CCM2L: variants seen among roughly 807,000 people sequenced by gnomAD.
CCM2L encodes CCM2 like scaffold protein.
A neutral mutation model predicts 54.1 loss-of-function variants in CCM2L; 36 were observed. The ratio of observed to expected loss-of-function variants is 0.67; its 90% CI spans 0.51 to 0.88. CCM2L has a LOEUF of 0.88. CCM2L is among the 40% of genes least tolerant of loss of function. The pLI, the probability that CCM2L is intolerant of heterozygous loss-of-function variation, is 0.00. For missense variants in CCM2L, 700 were observed against 812.1 expected (o/e 0.86, Z 1.68); for synonymous variants, 351 against 359.3 (o/e 0.98, Z 0.26).
Position 32,019,301 on chromosome 20 carries a change from C to G in CCM2L, c.825C>G (p.Gly275=). The change falls in exon 5 of 10, where the codon GGC becomes GGG. Residue 275 remains glycine (G), a synonymous_variant. Coordinates refer to ENST00000452892, the MANE Select transcript of CCM2L (RefSeq NM_001365692.1). ...GGGAGCGGAGGCAGGCGGGCAGCGG[C>G]GGGGGAGGCAGCTGGGAGCGGCGCC... ...GSWERRQAGS[G]GGGSWERRHP... 7.7e-7 allele frequency: 1 copy of G among 1,292,638 alleles called. No homozygotes were observed. Among genetic ancestry groups the G allele is most frequent in the Non-Finnish European group, 9.8e-7 (1 of 1,020,796 alleles). The allele number at this position is 1,292,638 out of a possible 1,614,324, so 80.1% of individuals were successfully genotyped here.
chr20:32,021,950 T>G (rs1175157064), intron 5 of CCM2L, among the ~76,000 whole-genome samples: 1 of 152,330 alleles, frequency 6.6e-6, no homozygotes, highest in East Asian at 1.9e-4. Context: ...TATTTTTATT[T>G]TTTGTATCCA....
chr20:32,031,869 C>T lies in CCM2L; in HGVS notation c.*555C>T, dbSNP rs1223959421. On this transcript the variant is annotated 3_prime_UTR_variant, in exon 10 of 10. Coordinates refer to ENST00000452892, the MANE Select transcript of CCM2L (RefSeq NM_001365692.1). ...GGCTCTAAATGTCAGGGTCTCCCAT[C>T]CCCTGATGCCTGACTTGTACAGTCA... is the stretch of plus-strand genomic sequence containing the variant. 1 of 152,338 alleles carries T rather than the reference C, an allele frequency of 6.6e-6. No individual in the cohort carries two copies. Among genetic ancestry groups the T allele is most frequent in the Non-Finnish European group, 1.5e-5 (1 of 68,120 alleles). 9.4% of individuals were successfully genotyped at this position (152,338 alleles called of 1,614,324 possible). A position where few individuals can be genotyped will look rare whatever the true frequency, so the allele number is the denominator to read the frequency against.
rs1478898452 is a variant in CCM2L, at chr20:32,031,098, C to T, written c.1500C>T (p.Phe500=). ...IREGGILTDS[F]GRIKRSMSST... Reference sequence around the variant, plus strand: ...AGGGCGGCATCCTCACTGACAGCTTCGGCCGCATCAAGCGCAGCATGAGCT... The same window carrying T: ...AGGGCGGCATCCTCACTGACAGCTTTGGCCGCATCAAGCGCAGCATGAGCT... Residue 500 remains phenylalanine, a synonymous_variant, in exon 10 of 10, where the codon TTC becomes TTT. Transcript: ENST00000452892. The T allele has an allele frequency of 1.5e-6, 2 of 1,304,150 alleles. No individual in the cohort carries two copies. Among genetic ancestry groups the T allele is most frequent in the South Asian group, 1.2e-5 (1 of 81,038 alleles). 80.8% of individuals were successfully genotyped at this position (1,304,150 alleles called of 1,614,324 possible).
At chr20:32,029,899 A>AC in intron 9 of CCM2L, 61 bp downstream of exon 9, 1 of 1,468,234 alleles carries the variant, frequency 6.8e-7, no homozygotes, top group South Asian at 1.4e-5. Context: ...ATGCCATCCC[A>AC]GTCAGGCACC....
intron 4 of CCM2L, 144 bp downstream of exon 4, chr20:32,018,306 A>T: frequency 1.5e-6 from 1 of 670,710 alleles, no homozygotes; most frequent in South Asian, 2.2e-5. Context: ...GGCAGAGGAG[A>T]TGGAAAAGGT....
At position 32,019,385 on chromosome 20, in the gene CCM2L, G is replaced by A; in HGVS notation, c.909G>A (p.Leu303=). ...QDPSPDAYCN[L]VILAVANRDA... is the part of the protein sequence containing the mutation. ...CCAGCCCCGACGCCTACTGCAACCT[G>A]GTCATCCTGGCTGTAGCCAACAGGG... The change falls in exon 5 of 10, where the codon CTG becomes CTA. Residue 303 remains leucine (L), a synonymous_variant. Transcript: ENST00000452892. The A allele has an allele frequency of 6.5e-7, 1 of 1,530,446 alleles. No homozygotes were observed. Among genetic ancestry groups the A allele is most frequent in the Non-Finnish European group, 8.7e-7 (1 of 1,147,276 alleles). The allele number at this position is 1,530,446 out of a possible 1,614,324, so 94.8% of individuals were successfully genotyped here. A position where few individuals can be genotyped will look rare whatever the true frequency, so the allele number is the denominator to read the frequency against.
At chr20:32,026,012 T>G (rs1238151782) in intron 7 of CCM2L, 93 bp downstream of exon 7, 3 of 921,258 alleles carry the variant, frequency 3.3e-6, no homozygotes, top group African/African-American at 1.7e-5. Flanking sequence ...GACCCAACCT[T>G]GATGTGTGCT....
chr20:32,013,848 T>C (rs912548373), intron 1 of CCM2L, among the ~76,000 whole-genome samples: 5 of 152,200 alleles, frequency 3.3e-5, no homozygotes, highest in Non-Finnish European at 7.3e-5. Context: ...GTGGGCTTGT[T>C]AAGCCCTAAT....
Position 32,019,215 on chromosome 20 carries a change from T to G in CCM2L, c.739T>G (p.Trp247Gly). The part of the protein sequence containing the change: ...WERRQTFSGS[W>G]ERRHGGGGGG... ...GCGACGGCAGACGTTCAGCGGCAGC[T>G]GGGAGCGGCGGCACGGAGGCGGCGG... The change falls in exon 5 of 10, where the codon TGG becomes GGG. Residue 247 changes from tryptophan to glycine, a missense_variant. By Grantham distance (184) the Trp-to-Gly change is radical (BLOSUM62 -2). Transcript: ENST00000452892. 1 of 1,150,274 alleles carries G rather than the reference T, an allele frequency of 8.7e-7. No individual in the cohort carries two copies. Among genetic ancestry groups the G allele is most frequent in the East Asian group, 3.5e-5 (1 of 28,238 alleles). The allele number at this position is 1,150,274 out of a possible 1,614,324, so 71.3% of individuals were successfully genotyped here.
At chr20:32,020,289 C>A (rs1288000978) in intron 5 of CCM2L, among the ~76,000 whole-genome samples, 3 of 152,192 alleles carry the variant, frequency 2.0e-5, no homozygotes, top group Non-Finnish European at 2.9e-5. Flanking sequence ...CCAGTAAACT[C>A]AGACACCACA....
chr20:32,019,418 G>A lies in CCM2L; in HGVS notation c.933+9G>A, dbSNP rs774390690. ...TGGCTGTAGCCAACAGGGTGAGCCC[G>A]AGGGCAGCCTGCTCCCAAAGCCCGG... On this transcript the variant is annotated intron_variant, in intron 5 of 9. Coordinates refer to ENST00000452892, the MANE Select transcript of CCM2L (RefSeq NM_001365692.1). The A allele has an allele frequency of 2.0e-6, 3 of 1,501,238 alleles. No homozygotes were observed. The allele number at this position is 1,501,238 out of a possible 1,614,324, so 93.0% of individuals were successfully genotyped here.
chr20:32,014,523 C>T (rs910110750), intron 1 of CCM2L, among the ~76,000 whole-genome samples: 1 of 152,152 alleles, frequency 6.6e-6, no homozygotes, highest in African/African-American at 2.4e-5. Context: ...GCCTTGGCCT[C>T]CCAAAGTGCT....
Position 32,031,205 on chromosome 20 carries a change from A to G in CCM2L, c.1607A>G (p.Asp536Gly). ...CAGGCCTTCCACCGGCTGCTGGCTG[A>G]CATCACGCACGACATCGAGGCGCTG... Reference protein sequence around the residue: ...EAQAFHRLLADITHDIEALAP... With the variant: ...EAQAFHRLLAGITHDIEALAP... The change falls in exon 10 of 10, where the codon GAC (aspartate) becomes GGC (glycine). Residue 536 changes from aspartate to glycine, a missense_variant. Asp to Gly is a moderately conservative substitution (Grantham distance 94). Coordinates refer to ENST00000452892, the MANE Select transcript of CCM2L (RefSeq NM_001365692.1). The G allele has an allele frequency of 7.7e-7, 1 of 1,301,318 alleles. No individual in the cohort carries two copies. 80.6% of individuals were successfully genotyped at this position (1,301,318 alleles called of 1,614,324 possible). A position where few individuals can be genotyped will look rare whatever the true frequency, so the allele number is the denominator to read the frequency against.
intron 7 of CCM2L, among the ~76,000 whole-genome samples, chr20:32,027,487 TAA>T (rs1156594320): frequency 6.6e-6 from 1 of 152,250 alleles, no homozygotes; most frequent in African/African-American, 2.4e-5. Context: ...CCCATAATTC[TAA>T]GTGTTCTACA....
intron 6 of CCM2L, among the ~76,000 whole-genome samples, chr20:32,023,369 T>C (rs2064824887): frequency 6.6e-6 from 1 of 152,238 alleles, no homozygotes; most frequent in Non-Finnish European, 1.5e-5. Context: ...TCTCTCCCTT[T>C]TGTTTTTGTG....
At chr20:32,018,187 GGGGAGGGGCGGGGGCGGGGGC>G in intron 4 of CCM2L, 25 bp downstream of exon 4, 1 of 424,334 alleles carries the variant, frequency 2.4e-6, no homozygotes, top group Non-Finnish European at 3.3e-6. Context: ...GGCGGGGGCG[GGGGAGGGGCGGGGGCGGGGGC>G]GGGGGAGGGG....
At chr20:32,025,411 G>A (rs2064849542) in intron 6 of CCM2L, among the ~76,000 whole-genome samples, 1 of 151,940 alleles carries the variant, frequency 6.6e-6, no homozygotes, top group Non-Finnish European at 1.5e-5. Flanking sequence ...CGGGACCACA[G>A]GCATGCACCA....
At chr20:32,028,902 A>C in intron 7 of CCM2L, 93 bp from the exon 8 acceptor site, 1 of 1,521,734 alleles carries the variant, frequency 6.6e-7, no homozygotes, top group Non-Finnish European at 9.0e-7. Flanking sequence ...GGAGGCCAGC[A>C]TGCAGTCTAG....
chr20:32,016,912 C>A (rs2064745789), intron 2 of CCM2L, among the ~76,000 whole-genome samples: 1 of 152,154 alleles, frequency 6.6e-6, no homozygotes, highest in South Asian at 2.1e-4. Context: ...CTTTGGGAGG[C>A]TGAGGCAGGC....
Sources: allele counts gnomAD v4.1 joint callset (sites outside exome capture counted in the v4.1 genomes callset), GRCh38; gene constraint gnomAD v4.1.1; transcripts MANE v1.5; gene names NCBI Gene and HGNC (gene_info 2026-07-23, HGNC 2026-07-21).